The following RPS6KA2 variants were observed in gnomAD, a reference collection of about 807,000 sequenced individuals.
RPS6KA2 encodes the protein ribosomal protein S6 kinase A2.
Under a neutral mutation model 91.8 loss-of-function variants are expected in RPS6KA2, and 42 were observed. The ratio of observed to expected loss-of-function variants is 0.46; its 90% CI spans 0.36 to 0.59. RPS6KA2 has a LOEUF of 0.59. Ranked by LOEUF, RPS6KA2 falls within the 20% of genes least tolerant of loss-of-function variation. RPS6KA2 has a pLI of 0.00. For missense variants in RPS6KA2, 798 were observed against 978.5 expected (o/e 0.82, Z 2.46); for synonymous variants, 414 against 393.6 (o/e 1.05, Z -0.61).
intron 2 of RPS6KA2, among the ~76,000 whole-genome samples, chr6:166,778,357 G>A (rs576508191): frequency 3.3e-5 from 5 of 152,362 alleles, no homozygotes; most frequent in African/African-American, 9.6e-5. Context: ...AGGCCAGAAT[G>A]TGAAAAAACC....
intron 1 of RPS6KA2, among the ~76,000 whole-genome samples, chr6:166,606,410 T>G (rs1785957219): frequency 6.6e-6 from 1 of 152,212 alleles, no homozygotes; most frequent in Admixed American, 6.5e-5. Context: ...ATATCCTGAA[T>G]ACAACTCCCT....
At chr6:166,483,209 G>A (rs73033757) in intron 10 of RPS6KA2, among the ~76,000 whole-genome samples, 6,012 of 152,308 alleles carry the variant, frequency 0.039, 176 homozygotes, top group Middle Eastern at 0.075. Context: ...TGTCGGAGCT[G>A]GAAGGAACTG....
rs545602085 is a variant in RPS6KA2, at chr6:166,850,607, T to C, written c.123+7593A>G. ...AAAGAGAGGAGAAAGGGTCTCAGTG[T>C]GGCAACGCAGGTCCCGTGAGTTCCA... is the stretch of plus-strand genomic sequence containing the variant. On this transcript the variant is annotated intron_variant, in intron 2 of 21. Transcript: ENST00000503859. Among the ~76,000 whole-genome samples, 5 of 152,318 alleles carry C rather than the reference T, an allele frequency of 3.3e-5. No homozygotes were observed. The South Asian group carries it at 1.0e-3, about 32-fold the overall frequency.
At chr6:166,725,790 A>G (rs1040176501) in intron 2 of RPS6KA2, among the ~76,000 whole-genome samples, 1 of 152,218 alleles carries the variant, frequency 6.6e-6, no homozygotes, top group Non-Finnish European at 1.5e-5. Flanking sequence ...GCCCCACAGC[A>G]CAGAGACTGG....
intron 1 of RPS6KA2, among the ~76,000 whole-genome samples, chr6:166,556,312 C>A (rs151079804): frequency 6.6e-6 from 1 of 152,182 alleles, no homozygotes. Context: ...GCTCCACAGG[C>A]GACTGACTGT....
rs557853546 is a variant in RPS6KA2 at position 166,701,592 on chromosome 6, C to T, written c.123+156608G>A. 76 of 1,354,734 alleles carry T rather than the reference C, an allele frequency of 5.6e-5. No individual in the cohort carries two copies. The East Asian group carries it at 1.6e-3, about 29-fold the overall frequency. The allele number at this position is 1,354,734 out of a possible 1,614,324, so 83.9% of individuals were successfully genotyped here. ...TGATGAGGGCTCTGACTGATAGAGC[C>T]GGGATAAACAGATGAACAGTCTCGG... is the stretch of plus-strand genomic sequence containing the variant. On this transcript the variant is annotated intron_variant, in intron 2 of 21. Transcript: ENST00000503859.
chr6:166,688,121 G>T (rs1283444062), intron 2 of RPS6KA2, among the ~76,000 whole-genome samples: 1 of 152,152 alleles, frequency 6.6e-6, no homozygotes, highest in Non-Finnish European at 1.5e-5. Context: ...GGGTATGTGG[G>T]GTTGGGAGGC....
At chr6:166,769,917 A>C (rs1281161495) in intron 2 of RPS6KA2, among the ~76,000 whole-genome samples, 1 of 152,258 alleles carries the variant, frequency 6.6e-6, no homozygotes, top group Non-Finnish European at 1.5e-5. Flanking sequence ...TGCTGTTCTC[A>C]TAAGACCTTT....
rs759206684 is a variant in RPS6KA2 at position 166,504,638 on chromosome 6, AAC to A, written c.460-28_460-27del. 36 of 1,503,912 alleles carry A rather than the reference AAC, an allele frequency of 2.4e-5. No homozygotes were observed. In the African/African-American group the frequency reaches 3.5e-4, roughly 15 times the overall value. 93.2% of individuals were successfully genotyped at this position (1,503,912 alleles called of 1,614,324 possible). On this transcript the variant is annotated intron_variant, in intron 5 of 20. Transcript: ENST00000265678. The stretch of plus-strand genomic sequence containing the variant: ...CTAGTAAGAAAAAAACAAAAACAAA[AAC>A]AAAAAACGTTTAACTTGTTTTATGG...
chr6:166,776,109 CTGGGGGCCAGGTCCA>C (rs1248679805), intron 2 of RPS6KA2, among the ~76,000 whole-genome samples: 1 of 152,202 alleles, frequency 6.6e-6, no homozygotes, highest in African/African-American at 2.4e-5. Context: ...CCATCCGGCT[CTGGGGGCCAGGTCCA>C]TGCAAAAATA....
At chr6:166,704,880 T>C (rs1303207876) in intron 2 of RPS6KA2, among the ~76,000 whole-genome samples, 1 of 152,240 alleles carries the variant, frequency 6.6e-6, no homozygotes, top group Non-Finnish European at 1.5e-5. Context: ...TACTGCAGCA[T>C]ATTCCATTTA....
rs889494734 is a variant in RPS6KA2, at chr6:166,821,974, G to A, written c.123+36226C>T. Among the ~76,000 whole-genome samples, 1 of 152,024 alleles carries A rather than the reference G, an allele frequency of 6.6e-6. No homozygotes were observed. Among genetic ancestry groups the A allele is most frequent in the East Asian group, 1.9e-4 (1 of 5,178 alleles). ...TCTCCCTCAGCCTCCCATCAAATGC[G>A]TTGGCAAGTCTGACAGCCCCAAGCC... On this transcript the variant is annotated intron_variant, in intron 2 of 21. Coordinates refer to the RPS6KA2 transcript ENST00000503859. This position sits in a 1 kb window ranked among gnomAD's most constrained non-coding sequence, Gnocchi z 4.1.
chr6:166,699,412 C>G (rs2128574845), intron 2 of RPS6KA2, among the ~76,000 whole-genome samples: 2 of 152,268 alleles, frequency 1.3e-5, no homozygotes, highest in Non-Finnish European at 2.9e-5. Flanking sequence ...TTTCTGAGAA[C>G]ATTAAGGAAA....
At chr6:166,416,016 A>G (rs1778493071) in intron 19 of RPS6KA2, among the ~76,000 whole-genome samples, 1 of 123,668 alleles carries the variant, frequency 8.1e-6, no homozygotes, top group African/African-American at 3.2e-5. Flanking sequence ...CACCCCCACC[A>G]TTACGCTCAC....
At chr6:166,788,378 C>G (rs1328654076) in intron 2 of RPS6KA2, among the ~76,000 whole-genome samples, 1 of 152,190 alleles carries the variant, frequency 6.6e-6, no homozygotes, top group African/African-American at 2.4e-5. Flanking sequence ...TATAAAGACA[C>G]ATGCACACCT....
chr6:166,472,387 G>C (rs1282766789), intron 10 of RPS6KA2, among the ~76,000 whole-genome samples: 3 of 152,196 alleles, frequency 2.0e-5, no homozygotes, highest in Non-Finnish European at 2.9e-5. Context: ...ACTGGTATAT[G>C]CTGGGTTTAC....
chr6:166,720,756 G>A (rs146900064), intron 2 of RPS6KA2, among the ~76,000 whole-genome samples: 2 of 152,294 alleles, frequency 1.3e-5, no homozygotes, highest in East Asian at 3.9e-4. Context: ...ATTATGGACA[G>A]AGTAGCCCAT....
chr6:166,634,222 G>A (rs755624073), intron 2 of RPS6KA2, among the ~76,000 whole-genome samples: 2 of 152,188 alleles, frequency 1.3e-5, no homozygotes, highest in Non-Finnish European at 2.9e-5. Flanking sequence ...CAGTCTTGTG[G>A]GGCAGGACAG....
intron 1 of RPS6KA2, among the ~76,000 whole-genome samples, chr6:166,556,340 C>A (rs1239672115): frequency 6.6e-6 from 1 of 152,196 alleles, no homozygotes; most frequent in Non-Finnish European, 1.5e-5. Context: ...ACTACATTTT[C>A]ATTTTTCTTG....
Sources: allele counts gnomAD v4.1 joint callset (sites outside exome capture counted in the v4.1 genomes callset), GRCh38; gene constraint gnomAD v4.1.1; non-coding constraint Gnocchi (gnomAD v3.1); transcripts MANE v1.5; gene names NCBI Gene and HGNC (gene_info 2026-07-23, HGNC 2026-07-21).